FANCA: variants seen among roughly 807,000 people sequenced by gnomAD.
FANCA encodes Fanconi anemia group A protein.
FANCA carries 236 observed loss-of-function variants against 194.3 expected under a neutral mutation model. The observed-to-expected ratio is 1.21, with a 90% CI of 1.09 to 1.35. The LOEUF is 1.35. FANCA is among the 40% of genes most tolerant of loss of function. The probability of loss-of-function intolerance (pLI) is 0.00; values close to 1 mark genes in which losing one functional copy is unlikely to be tolerated. For synonymous variants in FANCA, 1,014 were observed against 715.8 expected (o/e 1.42, Z -6.65); for missense variants, 2,628 against 1,813.9 (o/e 1.45, Z -8.15).
chr16:89,777,207 G>A (rs1012265773), intron 20 of FANCA, among the ~76,000 whole-genome samples: 1 of 151,386 alleles, frequency 6.6e-6, no homozygotes, highest in Non-Finnish European at 1.5e-5. Flanking sequence ...GAGGGGGAAG[G>A]ATTGTTGAAG....
chr16:89,808,315 C>A lies in FANCA; in HGVS notation c.575G>T (p.Ser192Ile), dbSNP rs771439604. The stretch of plus-strand genomic sequence containing the variant: ...CTACCTTTCCAGCAGCTCTTGCAGG[C>A]TCACAATGCCTTGTACGTGAAGATG... ...VWHLHVQGIV[S>I]LQELLESHPD... The change falls in exon 6 of 43, where the codon AGC becomes ATC. Residue 192 changes from serine to isoleucine, a missense_variant. By Grantham distance (142) the Ser-to-Ile change is moderately radical. Transcript: ENST00000389301. 16 of 1,613,998 alleles carry A rather than the reference C, an allele frequency of 9.9e-6. No individual in the cohort carries two copies. The highest frequency in any genetic ancestry group is 1.7e-6 in the Non-Finnish European group (2 of 1,180,028).
chr16:89,789,803 A>G (rs886341977), intron 14 of FANCA, among the ~76,000 whole-genome samples: 4 of 152,202 alleles, frequency 2.6e-5, no homozygotes, highest in Non-Finnish European at 5.9e-5. Flanking sequence ...GCACTAAAAG[A>G]GAAACCATGG....
At chr16:89,783,339 A>T (rs1050227988) in intron 15 of FANCA, among the ~76,000 whole-genome samples, 1 of 151,978 alleles carries the variant, frequency 6.6e-6, no homozygotes, top group African/African-American at 2.4e-5. Flanking sequence ...TCACGAGGTC[A>T]GGAGATGGAG....
chr16:89,741,609 C>G (rs1437460273), intron 37 of FANCA, among the ~76,000 whole-genome samples: 1 of 152,204 alleles, frequency 6.6e-6, no homozygotes, highest in African/African-American at 2.4e-5. Context: ...TGGGGGCAGT[C>G]AGGCTTTCCA....
At chr16:89,803,231 A>C (rs774050439) in intron 8 of FANCA, 28 bp downstream of exon 8, 65 of 1,605,200 alleles carry the variant, frequency 4.0e-5, no homozygotes, top group Non-Finnish European at 5.5e-5. Context: ...TCCTTCCGCT[A>C]AACTCTTCAC....
chr16:89,776,833 A>G (rs2039523433), intron 20 of FANCA, among the ~76,000 whole-genome samples: 1 of 152,256 alleles, frequency 6.6e-6, no homozygotes, highest in African/African-American at 2.4e-5. Context: ...TCCGACTCAA[A>G]AAATAAATTA....
intron 17 of FANCA, 74 bp downstream of exon 17, chr16:89,782,785 A>G: frequency 7.4e-7 from 1 of 1,355,908 alleles, no homozygotes; most frequent in Admixed American, 1.7e-5. Context: ...ACTCAACTCA[A>G]GAGTCAAAAG....
chr16:89,757,649 G>A (rs1049517567), intron 30 of FANCA, among the ~76,000 whole-genome samples: 2 of 152,208 alleles, frequency 1.3e-5, no homozygotes, highest in Non-Finnish European at 2.9e-5. Flanking sequence ...TAACACAACA[G>A]TGTGAAGCTG....
In FANCA at chr16:89,746,623, C is replaced by G. The variant is rs770861468; in HGVS notation, c.3474G>C (p.Lys1158Asn). 6.2e-7 allele frequency: 1 copy of G among 1,614,194 alleles called. No individual in the cohort carries two copies. The highest frequency in any genetic ancestry group is 1.7e-5 in the Admixed American group (1 of 60,024). Reference protein sequence around the residue: ...PSLMVDFILAKCQTKCPLILT... With the variant: ...PSLMVDFILANCQTKCPLILT... Reference sequence around the variant, plus strand: ...AAATTAAGGGGCATTTCGTCTGGCACTTGGCCAGTATGAAGTCGACCATCA... The same window carrying G: ...AAATTAAGGGGCATTTCGTCTGGCAGTTGGCCAGTATGAAGTCGACCATCA... Residue 1158 changes from lysine (K) to asparagine (N), a missense_variant, in exon 35 of 43, where the codon AAG (lysine) becomes AAC (asparagine). Coordinates refer to ENST00000389301, the MANE Select transcript of FANCA (RefSeq NM_000135.4).
chr16:89,762,569 GAAAAAA>G (rs59550802), intron 28 of FANCA: 22 of 173,928 alleles, frequency 1.3e-4, no homozygotes, highest in African/African-American at 4.0e-4. Context: ...CTATAAAAAG[GAAAAAA>G]AAAAAAAAGA....
At chr16:89,816,622 GGCGCCTACAGCCCCGGCGGCGGCTCCCT>G in exon 1 of FANCA, 1 of 1,521,902 alleles carries the variant, frequency 6.6e-7, no homozygotes, top group Non-Finnish European at 8.8e-7. Flanking sequence ...ACATGGCCTT[GGCGCCTACAGCCCCGGCGGCGGCTCCCT>G]GCGCCCGAGC....
chr16:89,810,462 G>A (rs990498598), intron 5 of FANCA: 1 of 492,670 alleles, frequency 2.0e-6, no homozygotes, highest in African/African-American at 1.9e-5. Flanking sequence ...GGCTAAACGT[G>A]TTTTTCAATA....
rs1242086245 is a variant in FANCA, at chr16:89,816,626, C to G, written c.-11G>C. ...CCACGAGTCGGACATGGCCTTGGCGCCTACAGCCCCGGCGGCGGCTCCCTG... is the reference window on the plus strand; with the variant it reads ...CCACGAGTCGGACATGGCCTTGGCGGCTACAGCCCCGGCGGCGGCTCCCTG... On this transcript the variant is annotated 5_prime_UTR_variant, in exon 1 of 43. Transcript: ENST00000389301. 1 of 1,519,936 alleles carries G rather than the reference C, an allele frequency of 6.6e-7. No homozygotes were observed. The highest frequency in any genetic ancestry group is 2.6e-5 in the East Asian group (1 of 38,926). The allele number at this position is 1,519,936 out of a possible 1,614,324, so 94.2% of individuals were successfully genotyped here. A position where few individuals can be genotyped will look rare whatever the true frequency, so the allele number is the denominator to read the frequency against.
intron 38 of FANCA, chr16:89,740,529 G>C: frequency 3.9e-6 from 2 of 508,090 alleles, no homozygotes; most frequent in Non-Finnish European, 7.0e-6. Context: ...CCAGCTACTC[G>C]GGAGGCTGAT....
Position 89,810,781 on chromosome 16 carries a change from C to T in FANCA, c.448G>A (p.Glu150Lys). The T allele has an allele frequency of 6.2e-7, 1 of 1,613,648 alleles. No homozygotes were observed. The highest frequency in any genetic ancestry group is 8.5e-7 in the Non-Finnish European group (1 of 1,179,502). ...TGTGCCAATAAATACTGAGCAAACT[C>T]TAACAGGGAAGACAGCTTCTTCTGA... is the stretch of plus-strand genomic sequence containing the variant. ...EQRKKLSSLL[E>K]FAQYLLAHSM... The change falls in exon 5 of 43, where the codon GAG (glutamate) becomes AAG (lysine). Residue 150 changes from glutamate (E) to lysine (K), a missense_variant. Coordinates refer to ENST00000389301, the MANE Select transcript of FANCA (RefSeq NM_000135.4).
In FANCA at chr16:89,780,016, G is replaced by C. The variant is rs568970935; in HGVS notation, c.1627-59C>G. 340 of 1,437,656 alleles carry C rather than the reference G, an allele frequency of 2.4e-4. 5 individuals are homozygous for C. In the South Asian group the frequency reaches 3.8e-3, roughly 16 times the overall value. The allele number at this position is 1,437,656 out of a possible 1,614,324, so 89.1% of individuals were successfully genotyped here. On this transcript the variant is annotated intron_variant, in intron 17 of 42. Transcript: ENST00000389301. ...CAGAGGACTTTAAAGAAAAGACTGA[G>C]CAGTGAAGGCCACACTCAACCTGTG...
At chr16:89,793,615 G>T (rs2040150630) in intron 11 of FANCA, among the ~76,000 whole-genome samples, 1 of 151,966 alleles carries the variant, frequency 6.6e-6, no homozygotes, top group Admixed American at 6.6e-5. Flanking sequence ...TTTGTTTTTG[G>T]ACAGGGTCTC....
At chr16:89,784,719 A>C in intron 15 of FANCA, 135 bp downstream of exon 15, 1 of 664,158 alleles carries the variant, frequency 1.5e-6, no homozygotes, top group East Asian at 3.5e-5. Context: ...GGGGAAGGGG[A>C]AGGGGAAGGG....
intron 31 of FANCA, among the ~76,000 whole-genome samples, chr16:89,751,790 G>T (rs1015556981): frequency 1.3e-5 from 2 of 149,560 alleles, no homozygotes; most frequent in African/African-American, 2.5e-5. Context: ...TTTTTGAGAC[G>T]GAGTCTCACT....
Sources: gnomAD v4.1 joint callset for allele counts (sites outside exome capture counted in the v4.1 genomes callset) on GRCh38, gnomAD v4.1.1 for gene constraint, MANE v1.5 for transcripts, NCBI Gene and HGNC (gene_info 2026-07-23, HGNC 2026-07-21) for gene names.